The following OSBP variants were observed in gnomAD, a reference collection of about 807,000 sequenced individuals.
OSBP encodes the protein oxysterol-binding protein 1.
OSBP carries 32 observed loss-of-function variants against 96.6 expected under a neutral mutation model. The ratio of observed to expected loss-of-function variants is 0.33; its 90% confidence interval spans 0.25 to 0.45. OSBP has a LOEUF of 0.45. Among genes scored for constraint, OSBP ranks in the 20% least tolerant of loss-of-function variants. OSBP has a pLI of 1.00. For missense variants in OSBP, 653 were observed against 1,029.7 expected (o/e 0.63, Z 5.01); for synonymous variants, 369 against 389.6 (o/e 0.95, Z 0.62).
chr11:59,601,400 G>T lies in OSBP; in HGVS notation c.1022-15C>A. ...GCAGCACTGATCTACAAGAAGAAAA[G>T]CCCCATTTGTTGACTTTGGTTATCT... On this transcript the variant is annotated splice_polypyrimidine_tract_variant and intron_variant, in intron 4 of 13. Transcript: ENST00000263847. 1 of 1,570,436 alleles carries T rather than the reference G, an allele frequency of 6.4e-7. No homozygotes were observed. Among genetic ancestry groups the T allele is most frequent in the Non-Finnish European group, 8.8e-7 (1 of 1,142,448 alleles).
chr11:59,591,234 T>C (rs1860576338), intron 9 of OSBP, among the ~76,000 whole-genome samples: 1 of 152,106 alleles, frequency 6.6e-6, no homozygotes, highest in Admixed American at 6.5e-5. Flanking sequence ...TACTAAAAAT[T>C]AGAAAAAAAA....
intron 9 of OSBP, among the ~76,000 whole-genome samples, chr11:59,584,880 G>A (rs548646604): frequency 5.3e-5 from 8 of 152,144 alleles, no homozygotes; most frequent in Non-Finnish European, 1.0e-4. Context: ...GATCTCATAT[G>A]TGAACATGCT....
At chr11:59,613,765 A>C (rs930109710) in intron 1 of OSBP, among the ~76,000 whole-genome samples, 3 of 152,248 alleles carry the variant, frequency 2.0e-5, no homozygotes, top group African/African-American at 7.2e-5. Flanking sequence ...ACAATTATTC[A>C]CAACTGTTGA....
At chr11:59,585,941 G>A (rs976765084) in intron 9 of OSBP, among the ~76,000 whole-genome samples, 9 of 152,130 alleles carry the variant, frequency 5.9e-5, no homozygotes, top group African/African-American at 2.2e-4. Flanking sequence ...TGCAAGATGT[G>A]CTTTGTTAAA....
chr11:59,583,073 G>A (rs1020866671), intron 9 of OSBP, among the ~76,000 whole-genome samples: 2 of 152,138 alleles, frequency 1.3e-5, no homozygotes, highest in African/African-American at 4.8e-5. Flanking sequence ...CTCTTTGGAA[G>A]GCCAAAGCAG....
chr11:59,603,397 G>C (rs1860744232), intron 3 of OSBP, among the ~76,000 whole-genome samples: 1 of 152,092 alleles, frequency 6.6e-6, no homozygotes, highest in Admixed American at 6.5e-5. Flanking sequence ...ACTGCCTATA[G>C]GCTAATGGCT....
intron 10 of OSBP, among the ~76,000 whole-genome samples, chr11:59,581,082 G>A (rs1477005497): frequency 6.6e-6 from 1 of 152,122 alleles, no homozygotes; most frequent in Non-Finnish European, 1.5e-5. Context: ...AAATTATTGA[G>A]GGACATCTCA....
chr11:59,596,777 G>A (rs373409923), intron 7 of OSBP, among the ~76,000 whole-genome samples: 1 of 152,128 alleles, frequency 6.6e-6, no homozygotes, highest in Non-Finnish European at 1.5e-5. Context: ...ACGTAGGTGC[G>A]CCAGAGCACC....
chr11:59,614,997 A>C (rs555611305), intron 1 of OSBP, among the ~76,000 whole-genome samples: 51 of 152,336 alleles, frequency 3.3e-4, no homozygotes, highest in African/African-American at 9.6e-4. Context: ...AATTGCACCC[A>C]TGTGCTGGTG....
chr11:59,601,439 G>A, intron 4 of OSBP, 54 bp from the exon 5 acceptor site: 1 of 1,341,736 alleles, frequency 7.5e-7, no homozygotes, highest in Non-Finnish European at 1.1e-6. Context: ...CCAAATGTCT[G>A]ATATAGCAAG....
chr11:59,609,768 T>C (rs945866442), intron 2 of OSBP, among the ~76,000 whole-genome samples: 6 of 152,170 alleles, frequency 3.9e-5, no homozygotes, highest in African/African-American at 1.4e-4. Context: ...CTTAACTTGA[T>C]TGCTCCTTTT....
At chr11:59,598,407 G>A (rs754222007) in intron 7 of OSBP, among the ~76,000 whole-genome samples, 31 of 152,060 alleles carry the variant, frequency 2.0e-4, no homozygotes, top group African/African-American at 5.6e-4. Flanking sequence ...GTAGCCACTC[G>A]CCCATCCCCA....
chr11:59,606,910 T>G (rs1023848574), intron 3 of OSBP, among the ~76,000 whole-genome samples: 1 of 151,704 alleles, frequency 6.6e-6, no homozygotes, highest in South Asian at 2.1e-4. Context: ...AGCAAGAGAG[T>G]AAAGAATGAA....
chr11:59,615,729 G>A lies in OSBP; in HGVS notation c.-65C>T. The A allele has an allele frequency of 8.0e-7, 1 of 1,247,446 alleles. No individual in the cohort carries two copies. The highest frequency in any genetic ancestry group is 1.0e-6 in the Non-Finnish European group (1 of 995,564). 77.3% of individuals were successfully genotyped at this position (1,247,446 alleles called of 1,614,324 possible). A position where few individuals can be genotyped will look rare whatever the true frequency, so the allele number is the denominator to read the frequency against. The stretch of plus-strand genomic sequence containing the variant: ...ACGAGAGCCGCCGTCGCCGCCCGGA[G>A]CGCCCCACACGGCTACCGCATCAGC... On this transcript the variant is annotated 5_prime_UTR_variant, in exon 1 of 14. Coordinates refer to ENST00000263847, the MANE Select transcript of OSBP (RefSeq NM_002556.3).
At chr11:59,581,900 A>T (rs984865694) in intron 9 of OSBP, among the ~76,000 whole-genome samples, 3 of 152,240 alleles carry the variant, frequency 2.0e-5, no homozygotes, top group African/African-American at 7.2e-5. Context: ...GCATTATGGA[A>T]GGAGCACACA....
chr11:59,607,178 CGAGTT>C (rs1565120844), intron 3 of OSBP, among the ~76,000 whole-genome samples: 17 of 152,028 alleles, frequency 1.1e-4, no homozygotes, highest in African/African-American at 4.1e-4. Flanking sequence ...ACCATTGTGC[CGAGTT>C]GTTTTATTTA....
At chr11:59,601,157 A>C (rs941372125) in intron 5 of OSBP, 126 bp downstream of exon 5, 2 of 582,022 alleles carry the variant, frequency 3.4e-6, no homozygotes, top group African/African-American at 3.8e-5. Context: ...CAGATTCAAT[A>C]TTGACAATTA....
chr11:59,593,770 A>T (rs1860614351), intron 8 of OSBP, 46 bp from the exon 9 acceptor site: 1 of 1,610,758 alleles, frequency 6.2e-7, no homozygotes, highest in Non-Finnish European at 8.5e-7. Context: ...AGGAGAAGAA[A>T]AAGATACTGC....
chr11:59,591,887 C>T (rs1288489730), intron 9 of OSBP, among the ~76,000 whole-genome samples: 1 of 152,166 alleles, frequency 6.6e-6, no homozygotes, highest in Non-Finnish European at 1.5e-5. Flanking sequence ...TCCCAAAGTG[C>T]TGGGATTACA....
Sources: allele counts gnomAD v4.1 joint callset (sites outside exome capture counted in the v4.1 genomes callset), GRCh38; gene constraint gnomAD v4.1.1; transcripts MANE v1.5; gene names NCBI Gene and HGNC (gene_info 2026-07-23, HGNC 2026-07-21).